PHLDB2: variants seen among roughly 807,000 people sequenced by gnomAD.
PHLDB2 encodes pleckstrin homology-like domain family B member 2.
PHLDB2 carries 71 observed loss-of-function variants against 123.6 expected under a neutral mutation model. That is an observed-to-expected ratio of 0.57 (90% confidence interval 0.47 to 0.70). PHLDB2 has a LOEUF of 0.70. Ranked by LOEUF, PHLDB2 falls within the 30% of genes least tolerant of loss-of-function variation. PHLDB2 has a pLI of 0.00. For synonymous variants in PHLDB2, 547 were observed against 541.6 expected (o/e 1.01, Z -0.14); for missense variants, 1,446 against 1,519.5 (o/e 0.95, Z 0.80).
Position 111,884,711 on chromosome 3 carries a change from A to C in PHLDB2, c.634A>C (p.Ser212Arg). The change falls in exon 2 of 18, where the codon AGC becomes CGC. Residue 212 changes from serine to arginine, a missense_variant. This residue lies in a region of PHLDB2 where 832 missense variants were observed against 831.9 expected (regional missense o/e 1.00). Transcript: ENST00000431670. ...AAGCCCAAAGCAAGCCAGGAAAATGAGCATTCAGGACAGCCTGGCGCTTCA... is the reference window on the plus strand; with the variant it reads ...AAGCCCAAAGCAAGCCAGGAAAATGCGCATTCAGGACAGCCTGGCGCTTCA... ...PSSPKQARKM[S>R]IQDSLALQPK... 6.2e-7 allele frequency: 1 copy of C among 1,614,130 alleles called. No individual in the cohort carries two copies. The highest frequency in any genetic ancestry group is 1.7e-5 in the Admixed American group (1 of 60,024).
rs1037138313 is a variant in PHLDB2 at position 111,969,888 on chromosome 3, C to T, written c.3514C>T (p.Arg1172Ter). Residue 1172 changes from arginine to a stop codon, truncating the protein, a stop_gained, in exon 16 of 18, where the codon CGA (arginine) becomes TGA (stop). Transcript: ENST00000431670. LOFTEE classifies it high-confidence loss of function. ...TTGGTTTGTTTTTGATCGGAACAAG[C>T]GAACATTCTCTTATTATGCAGGTGG... is the stretch of plus-strand genomic sequence containing the variant. ...KRWFVFDRNK[R>*]TFSYYADKHE... 4.3e-6 allele frequency: 7 copies of T among 1,613,806 alleles called. No individual in the cohort carries two copies. Among genetic ancestry groups the T allele is most frequent in the Admixed American group, 1.7e-5 (1 of 59,996 alleles).
At chr3:111,966,977 T>C (rs544555476) in intron 14 of PHLDB2, among the ~76,000 whole-genome samples, 1 of 152,132 alleles carries the variant, frequency 6.6e-6, no homozygotes, top group Non-Finnish European at 1.5e-5. Flanking sequence ...GTTTTTTTTT[T>C]GTTTTTTGTT....
At chr3:111,827,979 T>C (rs2062749288) in intron 1 of PHLDB2, among the ~76,000 whole-genome samples, 1 of 152,198 alleles carries the variant, frequency 6.6e-6, no homozygotes, top group African/African-American at 2.4e-5. Context: ...GGGTATAGCT[T>C]ACGTGCAGTG....
chr3:111,939,847 C>T (rs1460026330), intron 7 of PHLDB2, among the ~76,000 whole-genome samples: 3 of 152,158 alleles, frequency 2.0e-5, no homozygotes, highest in East Asian at 1.9e-4. Context: ...GTTTCATTCA[C>T]GTGAAAACCA....
chr3:111,886,103 T>C (rs1441924183), intron 2 of PHLDB2, among the ~76,000 whole-genome samples: 1 of 152,238 alleles, frequency 6.6e-6, no homozygotes, highest in African/African-American at 2.4e-5. Flanking sequence ...AACAAACAAC[T>C]GCATTTTTCC....
chr3:111,906,856 C>T (rs2067571091), intron 2 of PHLDB2, among the ~76,000 whole-genome samples: 4 of 152,124 alleles, frequency 2.6e-5, no homozygotes, highest in Non-Finnish European at 4.4e-5. Flanking sequence ...CCAGCTCAGC[C>T]CTACTGATGG....
chr3:111,935,093 A>ATTTTTTTTTTTTTTTTTTTTTTTTTTT (rs34291565), intron 6 of PHLDB2, among the ~76,000 whole-genome samples: 2 of 75,168 alleles, frequency 2.7e-5, no homozygotes, highest in African/African-American at 5.0e-5. Context: ...TGGTATCTTG[A>ATTTTTTTTTTTTTTTTTTTTTTTTTTT]TTTTTTTTTT....
intron 1 of PHLDB2, among the ~76,000 whole-genome samples, chr3:111,876,800 T>C (rs1403577222): frequency 6.6e-6 from 1 of 152,152 alleles, no homozygotes; most frequent in Non-Finnish European, 1.5e-5. Context: ...AACTCCCACT[T>C]ATGAGTGAGA....
intron 1 of PHLDB2, among the ~76,000 whole-genome samples, chr3:111,776,054 C>T (rs2060262354): frequency 6.6e-6 from 1 of 152,118 alleles, no homozygotes; most frequent in African/African-American, 2.4e-5. Context: ...TGGGACAATA[C>T]AGAGCAAGCT....
chr3:111,928,171 T>G (rs72940207), intron 5 of PHLDB2, among the ~76,000 whole-genome samples: 3,053 of 152,318 alleles, frequency 0.02, 102 homozygotes, highest in African/African-American at 0.068. Flanking sequence ...TTTGTTTGGT[T>G]TACTTGAGAC....
intron 2 of PHLDB2, among the ~76,000 whole-genome samples, chr3:111,889,366 T>C (rs2066348289): frequency 6.6e-6 from 1 of 152,042 alleles, no homozygotes; most frequent in African/African-American, 2.4e-5. Flanking sequence ...CTATAGCTGT[T>C]TTTAAAACCA....
intron 1 of PHLDB2, among the ~76,000 whole-genome samples, chr3:111,803,520 A>C (rs2061457907): frequency 6.6e-6 from 1 of 151,254 alleles, no homozygotes; most frequent in Non-Finnish European, 1.5e-5. Context: ...AGAACACATC[A>C]ATTCCTGACT....
At chr3:111,814,014 G>A (rs1364376766) in intron 1 of PHLDB2, among the ~76,000 whole-genome samples, 1 of 152,216 alleles carries the variant, frequency 6.6e-6, no homozygotes, top group African/African-American at 2.4e-5. Context: ...CTCCCACAGT[G>A]TGCCAGGTAG....
intron 7 of PHLDB2, 106 bp downstream of exon 7, chr3:111,939,736 T>C: frequency 8.4e-7 from 1 of 1,187,564 alleles, no homozygotes; most frequent in Non-Finnish European, 1.2e-6. Context: ...GATTACGTAG[T>C]CTGCCATGTA....
chr3:111,942,569 A>C (rs1314322795), intron 8 of PHLDB2, among the ~76,000 whole-genome samples: 2 of 152,008 alleles, frequency 1.3e-5, no homozygotes, highest in Admixed American at 6.6e-5. Context: ...AATGAGTGTT[A>C]TTTTTGTGGA....
intron 3 of PHLDB2, chr3:111,915,639 A>G (rs924189813): frequency 2.6e-5 from 4 of 152,480 alleles, no homozygotes; most frequent in Middle Eastern, 3.1e-3. Flanking sequence ...CCTGTTGGCT[A>G]GGCCAGTCTC....
intron 16 of PHLDB2, among the ~76,000 whole-genome samples, chr3:111,973,344 C>T (rs2072336289): frequency 6.6e-6 from 1 of 151,990 alleles, no homozygotes; most frequent in Admixed American, 6.6e-5. Context: ...AATTTTATTA[C>T]AACAGATCTA....
rs1012299750 is a variant in PHLDB2, at chr3:111,966,635, A to G, written c.3100A>G (p.Arg1034Gly). 2 of 1,613,238 alleles carry G rather than the reference A, an allele frequency of 1.2e-6. No individual in the cohort carries two copies. The highest frequency in any genetic ancestry group is 8.5e-7 in the Non-Finnish European group (1 of 1,179,576). ...CAGTGCCAGCACTTCAAATATTGCT[A>G]GAATAGAAGAAATGGAGAGACTTTT... The part of the protein sequence containing the change: ...ISSASTSNIA[R>G]IEEMERLLKQ... The change falls in exon 14 of 18, where the codon AGA becomes GGA. Residue 1034 changes from arginine (R) to glycine (G), a missense_variant. By Grantham distance (125) the Arg-to-Gly change is moderately radical (BLOSUM62 -2). This residue lies in a region of PHLDB2 where 594 missense variants were observed against 646.0 expected (regional missense o/e 0.92). Coordinates refer to ENST00000431670, the MANE Select transcript of PHLDB2 (RefSeq NM_001134438.2).
At chr3:111,800,013 CTT>C (rs774498595) in intron 1 of PHLDB2, among the ~76,000 whole-genome samples, 1 of 151,418 alleles carries the variant, frequency 6.6e-6, no homozygotes, top group Non-Finnish European at 1.5e-5. Flanking sequence ...ACTCGAGAAA[CTT>C]TTTTTTTGAG....
Sources: gnomAD v4.1 joint callset for allele counts (sites outside exome capture counted in the v4.1 genomes callset) on GRCh38, gnomAD v4.1.1 for gene constraint, gnomAD v4.1.1 regional missense constraint, MANE v1.5 for transcripts, NCBI Gene and HGNC (gene_info 2026-07-23, HGNC 2026-07-21) for gene names.